Variants in MAGI3 observed in about 807,000 individuals in gnomAD.
The protein encoded by MAGI3 is membrane associated guanylate kinase, WW and PDZ domain containing 3, also known as membrane-associated guanylate kinase, WW and PDZ domain-containing protein 3.
In MAGI3, 43 loss-of-function variants were observed where a neutral mutation model predicts 121.8. The ratio of observed to expected loss-of-function variants is 0.35; its 90% CI spans 0.28 to 0.46. The LOEUF (loss-of-function observed/expected upper bound fraction) is 0.46, where lower values mean the gene tolerates loss of function less well. Ranked by LOEUF, MAGI3 falls within the 20% of genes least tolerant of loss-of-function variation. MAGI3 has a pLI of 1.00. For missense variants in MAGI3, 1,547 were observed against 1,797.3 expected (o/e 0.86, Z 2.52); for synonymous variants, 553 against 639.3 (o/e 0.86, Z 2.04).
intron 2 of MAGI3, among the ~76,000 whole-genome samples, chr1:113,580,225 A>T (rs1337435605): frequency 2.6e-5 from 4 of 152,172 alleles, no homozygotes; most frequent in African/African-American, 4.8e-5. Context: ...CATTAAAATA[A>T]CTTATAAAAA....
At chr1:113,504,483 A>G (rs1657211038) in intron 1 of MAGI3, among the ~76,000 whole-genome samples, 1 of 152,152 alleles carries the variant, frequency 6.6e-6, no homozygotes, top group Admixed American at 6.5e-5. Flanking sequence ...ACTGTTAGTG[A>G]TATGCAAATT....
intron 1 of MAGI3, among the ~76,000 whole-genome samples, chr1:113,471,206 G>C (rs1443023030): frequency 6.6e-6 from 1 of 152,162 alleles, no homozygotes; most frequent in Non-Finnish European, 1.5e-5. Flanking sequence ...ACATTTTCCA[G>C]GAGGGATCAT....
intron 2 of MAGI3, among the ~76,000 whole-genome samples, chr1:113,559,277 A>G (rs571006415): frequency 1.3e-5 from 2 of 152,380 alleles, no homozygotes; most frequent in East Asian, 3.9e-4. Context: ...TAAAGAGTCA[A>G]GATCCATCAA....
chr1:113,504,015 T>G (rs1428894433), intron 1 of MAGI3, among the ~76,000 whole-genome samples: 1 of 152,040 alleles, frequency 6.6e-6, no homozygotes, highest in African/African-American at 2.4e-5. Flanking sequence ...ACTTTAATAA[T>G]AAGGTTAAGA....
chr1:113,685,281 T>C lies in MAGI3; in HGVS notation c.*1267T>C, dbSNP rs888036196. 6.6e-6 allele frequency: 1 copy of C among 152,380 alleles called. No individual in the cohort carries two copies. The highest frequency in any genetic ancestry group is 1.5e-5 in the Non-Finnish European group (1 of 68,032). 9.4% of individuals were successfully genotyped at this position (152,380 alleles called of 1,614,324 possible). On this transcript the variant is annotated 3_prime_UTR_variant, in exon 21 of 21. Coordinates refer to ENST00000307546, the MANE Select transcript of MAGI3 (RefSeq NM_001142782.2). Reference sequence around the variant, plus strand: ...GAGACTGTTAACAACTTCCATAAAATAGATCCAGGTTTTTCAGTTCCCTGA... The same window carrying C: ...GAGACTGTTAACAACTTCCATAAAACAGATCCAGGTTTTTCAGTTCCCTGA...
chr1:113,510,061 G>A (rs1018311658), intron 1 of MAGI3, among the ~76,000 whole-genome samples: 2 of 152,138 alleles, frequency 1.3e-5, no homozygotes, highest in East Asian at 1.9e-4. Flanking sequence ...TGGAATGAGC[G>A]TGACACCATA....
At chr1:113,455,162 T>G (rs1211351359) in intron 1 of MAGI3, among the ~76,000 whole-genome samples, 2 of 152,160 alleles carry the variant, frequency 1.3e-5, no homozygotes, top group Non-Finnish European at 2.9e-5. Context: ...GAGTGGACTT[T>G]CTGAAAAATC....
intron 1 of MAGI3, among the ~76,000 whole-genome samples, chr1:113,507,524 T>G (rs1027007390): frequency 6.6e-6 from 1 of 152,170 alleles, no homozygotes; most frequent in Non-Finnish European, 1.5e-5. Flanking sequence ...CCTGTTGATT[T>G]TTTTCTTAGA....
chr1:113,476,791 C>G (rs768138829), intron 1 of MAGI3, among the ~76,000 whole-genome samples: 4 of 152,270 alleles, frequency 2.6e-5, no homozygotes, highest in Non-Finnish European at 4.4e-5. Context: ...AACCTTCTGT[C>G]TCATTGATCT....
chr1:113,601,341 C>A (rs1332970069), intron 6 of MAGI3, among the ~76,000 whole-genome samples: 1 of 151,932 alleles, frequency 6.6e-6, no homozygotes, highest in African/African-American at 2.4e-5. Flanking sequence ...TGGCTAATAT[C>A]CACAATCTAC....
At chr1:113,602,350 C>G (rs1355881733) in intron 6 of MAGI3, among the ~76,000 whole-genome samples, 1 of 152,158 alleles carries the variant, frequency 6.6e-6, no homozygotes, top group Non-Finnish European at 1.5e-5. Flanking sequence ...ATTAAACAGT[C>G]TGCTCCTAAG....
chr1:113,523,424 G>GT (rs1658298833), intron 1 of MAGI3, among the ~76,000 whole-genome samples: 1 of 152,176 alleles, frequency 6.6e-6, no homozygotes, highest in Non-Finnish European at 1.5e-5. Flanking sequence ...CTAGAGACTT[G>GT]TTGAATGGCT....
At chr1:113,627,492 T>C (rs1570961277) in intron 9 of MAGI3, among the ~76,000 whole-genome samples, 1 of 151,468 alleles carries the variant, frequency 6.6e-6, no homozygotes, top group African/African-American at 2.4e-5. Context: ...ATTTTCTGTC[T>C]GGAAGATCTA....
chr1:113,463,104 T>TA (rs1269186956), intron 1 of MAGI3, among the ~76,000 whole-genome samples: 3 of 151,962 alleles, frequency 2.0e-5, no homozygotes, highest in Admixed American at 1.3e-4. Flanking sequence ...GAAACAAATT[T>TA]AAAAAACAAA....
intron 2 of MAGI3, among the ~76,000 whole-genome samples, chr1:113,570,261 TG>T (rs1165859922): frequency 3.3e-5 from 5 of 152,220 alleles, no homozygotes; most frequent in Non-Finnish European, 7.3e-5. Flanking sequence ...ATGGTGTCCC[TG>T]TGCCACATTT....
chr1:113,412,953 A>G (rs548911064), intron 1 of MAGI3, among the ~76,000 whole-genome samples: 2 of 152,180 alleles, frequency 1.3e-5, no homozygotes, highest in Non-Finnish European at 2.9e-5. Flanking sequence ...GTCCTTGCCC[A>G]TGCCTATGTC....
chr1:113,622,936 A>G lies in MAGI3; in HGVS notation c.1302A>G (p.Leu434=), dbSNP rs746590679. 4 of 1,578,274 alleles carry G rather than the reference A, an allele frequency of 2.5e-6. No homozygotes were observed. The Admixed American group carries it at 7.9e-5, about 31-fold the overall frequency. The part of the protein sequence containing the change: ...IIGGDRPDEF[L]QVKNVLKDGP... Reference sequence around the variant, plus strand: ...GTGGAGATAGACCTGATGAGTTCCTACAAGTGAAAAATGTGCTGAAAGATG... The same window carrying G: ...GTGGAGATAGACCTGATGAGTTCCTGCAAGTGAAAAATGTGCTGAAAGATG... Residue 434 remains leucine (L), a synonymous_variant, in exon 9 of 21, where the codon CTA becomes CTG. Coordinates refer to ENST00000307546, the MANE Select transcript of MAGI3 (RefSeq NM_001142782.2).
intron 1 of MAGI3, among the ~76,000 whole-genome samples, chr1:113,484,419 G>C (rs1203970254): frequency 6.6e-6 from 1 of 151,968 alleles, no homozygotes; most frequent in Non-Finnish European, 1.5e-5. Flanking sequence ...TTTACCTCCA[G>C]TCCCCAAAGT....
At chr1:113,508,281 A>G (rs1657442787) in intron 1 of MAGI3, among the ~76,000 whole-genome samples, 4 of 152,214 alleles carry the variant, frequency 2.6e-5, no homozygotes, top group African/African-American at 9.6e-5. Context: ...AAAGAGAAGC[A>G]GAGGTGAACT....
Sources: allele counts gnomAD v4.1 joint callset (sites outside exome capture counted in the v4.1 genomes callset), GRCh38; gene constraint gnomAD v4.1.1; transcripts MANE v1.5; gene names NCBI Gene and HGNC (gene_info 2026-07-23, HGNC 2026-07-21).